The following BARX1 variants were observed in gnomAD, a reference collection of about 807,000 sequenced individuals.
BARX1 encodes the protein BARX homeobox 1, also known as homeobox protein BarH-like 1.
A neutral mutation model predicts 19.6 loss-of-function variants in BARX1; 10 were observed. The ratio of observed to expected loss-of-function variants is 0.51; its 90% CI spans 0.31 to 0.86. The LOEUF (loss-of-function observed/expected upper bound fraction) is 0.86. BARX1 is among the 40% of genes least tolerant of loss of function. The pLI is 0.04. For missense variants in BARX1, 309 were observed against 360.4 expected, an observed-to-expected ratio of 0.86 and a Z score of 1.15; for synonymous variants, 177 against 170.0, an observed-to-expected ratio of 1.04 and a Z score of -0.32.
chr9:93,952,603 T>A (rs1587808763), intron 3 of BARX1, 126 bp downstream of exon 3: 8 of 1,173,256 alleles, frequency 6.8e-6, no homozygotes, highest in Non-Finnish European at 9.8e-6. Flanking sequence ...TTCCGGTGCG[T>A]ACCAGGCACC....
At chr9:93,953,491 C>G in intron 1 of BARX1, 2 of 402,630 alleles carry the variant, frequency 5.0e-6, no homozygotes, top group East Asian at 4.2e-5. Flanking sequence ...GCGAGAAACT[C>G]GGAGTGTGTC....
intron 1 of BARX1, chr9:93,953,488 A>T: frequency 2.4e-6 from 1 of 418,568 alleles, no homozygotes; most frequent in Non-Finnish European, 4.2e-6. Flanking sequence ...GCTGCGAGAA[A>T]CTCGGAGTGT....
chr9:93,952,591 G>T, intron 3 of BARX1, 138 bp downstream of exon 3: 1 of 1,107,922 alleles, frequency 9.0e-7, no homozygotes. Flanking sequence ...AAACTGAGAG[G>T]ATTCCGGTGC....
intron 1 of BARX1, among the ~76,000 whole-genome samples, chr9:93,954,529 GCCGCGGCCACTCCCGGCCAT>G (rs1829139003): frequency 2.6e-5 from 4 of 152,254 alleles, no homozygotes; most frequent in Admixed American, 6.5e-5. Flanking sequence ...GGGTTGGGCA[GCCGCGGCCACTCCCGGCCAT>G]CCCTCTGCGG....
chr9:93,955,099 C>T lies in BARX1; in HGVS notation c.48G>A (p.Glu16=). Residue 16 remains glutamate, a synonymous_variant, in exon 1 of 4, where the codon GAG becomes GAA. Coordinates refer to ENST00000253968, the MANE Select transcript of BARX1 (RefSeq NM_021570.4). The surrounding 1 kb of genome is among the most constrained non-coding windows in gnomAD (Gnocchi z 4.4). ...GGTGCGGCCGGTGGTCCGCGCAGCCCTCGGGCGGGCCGAAGCGCGCGGCGC... is the reference window on the plus strand; with the variant it reads ...GGTGCGGCCGGTGGTCCGCGCAGCCTTCGGGCGGGCCGAAGCGCGCGGCGC... ...EPGAARFGPP[E]GCADHRPHRY... is the part of the protein sequence containing the mutation. 7.8e-7 allele frequency: 1 copy of T among 1,288,212 alleles called. No individual in the cohort carries two copies. Among genetic ancestry groups the T allele is most frequent in the Non-Finnish European group, 9.8e-7 (1 of 1,017,542 alleles). The allele number at this position is 1,288,212 out of a possible 1,614,324, so 79.8% of individuals were successfully genotyped here. A position where few individuals can be genotyped will look rare whatever the true frequency, so the allele number is the denominator to read the frequency against.
rs1829106635 is a variant in BARX1 at position 93,951,955 on chromosome 9, G to C, written c.*209C>G. On this transcript the variant is annotated 3_prime_UTR_variant, in exon 4 of 4. Transcript: ENST00000253968. ...GCCGGGCTGGATGCGAGTCTCCCAG[G>C]TTAGAGCCCAGAAGCGCGCTGGGAC... 1 of 659,914 alleles carries C rather than the reference G, an allele frequency of 1.5e-6. No individual in the cohort carries two copies. The highest frequency in any genetic ancestry group is 1.8e-5 in the African/African-American group (1 of 54,992). 40.9% of individuals were successfully genotyped at this position (659,914 alleles called of 1,614,324 possible).
At position 93,952,973 on chromosome 9, in the gene BARX1, G is replaced by T; in HGVS notation, c.438C>A (p.Arg146=). 1 of 1,569,878 alleles carries T rather than the reference G, an allele frequency of 6.4e-7. No homozygotes were observed. Among genetic ancestry groups the T allele is most frequent in the Non-Finnish European group, 8.6e-7 (1 of 1,157,712 alleles). Residue 146 remains arginine (R), a synonymous_variant, in exon 2 of 4, where the codon CGC becomes CGA. Transcript: ENST00000253968. ...TCAGCTGCAGCTCGGTGAACACAGT[G>T]CGGCTCCGACGCCCCTTCTTGGCTT... is the stretch of plus-strand genomic sequence containing the variant. ...GTKAKKGRRS[R]TVFTELQLMG... is the part of the protein sequence containing the mutation.
At chr9:93,953,212 CG>C (rs148132681) in intron 1 of BARX1, 25 bp from the exon 2 acceptor site, 166,040 of 1,477,490 alleles carry the variant, frequency 0.11, 9,833 homozygotes, top group Admixed American at 0.13. Context: ...AATGAGGACC[CG>C]GGTGAGCTAC....
chr9:93,952,113 AG>A lies in BARX1; in HGVS notation c.*50del. 1 of 1,574,728 alleles carries A rather than the reference AG, an allele frequency of 6.4e-7. No homozygotes were observed. ...CCGGCTCGCGGGTTTCCGCCGAGTG[AG>A]GGGGCTGCGGGTGGCGCGGGCATCC... On this transcript the variant is annotated 3_prime_UTR_variant, in exon 4 of 4. Coordinates refer to ENST00000253968, the MANE Select transcript of BARX1 (RefSeq NM_021570.4).
At position 93,951,825 on chromosome 9, in the gene BARX1, G is replaced by T. The variant is rs1829104866; in HGVS notation, c.*339C>A. On this transcript the variant is annotated 3_prime_UTR_variant, in exon 4 of 4. Coordinates refer to ENST00000253968, the MANE Select transcript of BARX1 (RefSeq NM_021570.4). ...GTGTGTGCCTGGAGGCTCCCCGGCC[G>T]GGAGGGCAGGCCCCAGACGGGGTGG... is the stretch of plus-strand genomic sequence containing the variant. The T allele has an allele frequency of 4.1e-6, 1 of 245,532 alleles. No homozygotes were observed. The highest frequency in any genetic ancestry group is 7.9e-6 in the Non-Finnish European group (1 of 126,752). 15.2% of individuals were successfully genotyped at this position (245,532 alleles called of 1,614,324 possible).
chr9:93,955,264 C>G lies in BARX1; in HGVS notation c.-118G>C. ...GCAGCTCGGGGCGGCGCGCGGGCGC[C>G]GGCTCATGCCCCCTCCCCCGCCGGC... is the stretch of plus-strand genomic sequence containing the variant. On this transcript the variant is annotated 5_prime_UTR_variant, in exon 1 of 4. Coordinates refer to ENST00000253968, the MANE Select transcript of BARX1 (RefSeq NM_021570.4). This position sits in a 1 kb window ranked among gnomAD's most constrained non-coding sequence, Gnocchi z 4.4. The G allele has an allele frequency of 3.5e-6, 1 of 286,190 alleles. No homozygotes were observed. The highest frequency in any genetic ancestry group is 5.1e-6 in the Non-Finnish European group (1 of 194,368). 17.7% of individuals were successfully genotyped at this position (286,190 alleles called of 1,614,324 possible). A position where few individuals can be genotyped will look rare whatever the true frequency, so the allele number is the denominator to read the frequency against.
chr9:93,955,200 G>A lies in BARX1; in HGVS notation c.-54C>T. Reference sequence around the variant, plus strand: ...TGGCGGCGGCGGCGGCGACGGCTTGGCTCCGGCGCGGGGCCCGCGCGGGGC... The same window carrying A: ...TGGCGGCGGCGGCGGCGACGGCTTGACTCCGGCGCGGGGCCCGCGCGGGGC... On this transcript the variant is annotated 5_prime_UTR_variant, in exon 1 of 4. Coordinates refer to ENST00000253968, the MANE Select transcript of BARX1 (RefSeq NM_021570.4). The surrounding 1 kb of genome is among the most constrained non-coding windows in gnomAD (Gnocchi z 4.4). 1 of 897,176 alleles carries A rather than the reference G, an allele frequency of 1.1e-6. No individual in the cohort carries two copies. Among genetic ancestry groups the A allele is most frequent in the Non-Finnish European group, 1.3e-6 (1 of 751,946 alleles). The allele number at this position is 897,176 out of a possible 1,614,324, so 55.6% of individuals were successfully genotyped here.
At chr9:93,953,545 G>T in intron 1 of BARX1, 1 of 312,718 alleles carries the variant, frequency 3.2e-6, no homozygotes, top group Non-Finnish European at 5.8e-6. Context: ...AACGGCAGCT[G>T]GTCCTAAGAA....
At chr9:93,953,324 CGGCGCCGGT>C in intron 1 of BARX1, 137 bp from the exon 2 acceptor site, 9 of 1,064,606 alleles carry the variant, frequency 8.5e-6, no homozygotes, top group Non-Finnish European at 1.2e-5. Context: ...CCCTGCCGGT[CGGCGCCGGT>C]GGCGCAGATG....
At chr9:93,953,469 A>T in intron 1 of BARX1, 2 of 411,344 alleles carry the variant, frequency 4.9e-6, no homozygotes, top group Non-Finnish European at 4.3e-6. Context: ...CCTGATGAAC[A>T]TGTTTGCAGC....
chr9:93,952,089 C>A lies in BARX1; in HGVS notation c.*75G>T. The A allele has an allele frequency of 6.6e-7, 1 of 1,524,530 alleles. No homozygotes were observed. Among genetic ancestry groups the A allele is most frequent in the Middle Eastern group, 1.9e-4 (1 of 5,398 alleles). 94.4% of individuals were successfully genotyped at this position (1,524,530 alleles called of 1,614,324 possible). On this transcript the variant is annotated 3_prime_UTR_variant, in exon 4 of 4. Coordinates refer to ENST00000253968, the MANE Select transcript of BARX1 (RefSeq NM_021570.4). The stretch of plus-strand genomic sequence containing the variant: ...GTAAACTTCTTGGACGCGGAAGGGC[C>A]GGCTCGCGGGTTTCCGCCGAGTGAG...
rs781702576 is a variant in BARX1 at position 93,952,830 on chromosome 9, G to A, written c.516-17C>T. ...AGATCTATTCTGGAAAGAGCAGGGC[G>A]CACCCTCAGCAAGGCAAGTGACCAC... On this transcript the variant is annotated splice_polypyrimidine_tract_variant and intron_variant, in intron 2 of 3. Coordinates refer to ENST00000253968, the MANE Select transcript of BARX1 (RefSeq NM_021570.4). The A allele has an allele frequency of 1.9e-6, 3 of 1,613,966 alleles. No homozygotes were observed. Among genetic ancestry groups the A allele is most frequent in the South Asian group, 2.2e-5 (2 of 91,056 alleles).
At position 93,952,720 on chromosome 9, in the gene BARX1, C is replaced by CA. The variant is rs1010373424; in HGVS notation, c.600+8dup. 1.9e-6 allele frequency: 3 copies of CA among 1,613,670 alleles called. No individual in the cohort carries two copies. In the African/African-American group the frequency reaches 4.0e-5, roughly 22 times the overall value. On this transcript the variant is annotated intron_variant, in intron 3 of 3. Transcript: ENST00000253968. ...AGCTGAGGGGTGGGAAGCCACCAGG[C>CA]ACACTCACTATTTTCTTCCACTTCA...
At position 93,954,920 on chromosome 9, in the gene BARX1, G is replaced by A. The variant is rs1829143673; in HGVS notation, c.223+4C>T. On this transcript the variant is annotated splice_donor_region_variant and intron_variant, in intron 1 of 3. Coordinates refer to ENST00000253968, the MANE Select transcript of BARX1 (RefSeq NM_021570.4). ...GCCCGCGACCCCGCGGCCGCCACAC[G>A]TACCCAGGTGGCTGTGGAAGGGCCG... 1 of 1,326,786 alleles carries A rather than the reference G, an allele frequency of 7.5e-7. No homozygotes were observed. The highest frequency in any genetic ancestry group is 9.6e-7 in the Non-Finnish European group (1 of 1,046,808). 82.2% of individuals were successfully genotyped at this position (1,326,786 alleles called of 1,614,324 possible).
Sources: allele counts gnomAD v4.1 joint callset (sites outside exome capture counted in the v4.1 genomes callset), GRCh38; gene constraint gnomAD v4.1.1; non-coding constraint Gnocchi (gnomAD v3.1); transcripts MANE v1.5; gene names NCBI Gene and HGNC (gene_info 2026-07-23, HGNC 2026-07-21).